The following CTNNA2 variants were observed in gnomAD, a reference collection of about 807,000 sequenced individuals.
CTNNA2 encodes the protein catenin alpha-2.
Under a neutral mutation model 101.0 loss-of-function variants are expected in CTNNA2, and 42 were observed. That is an observed-to-expected ratio of 0.42 (90% CI 0.32 to 0.54). CTNNA2 has a LOEUF of 0.54. CTNNA2 is among the 20% of genes least tolerant of loss of function. The pLI is 0.14. For synonymous variants in CTNNA2, 450 were observed against 456.4 expected (o/e 0.99, Z 0.18); for missense variants, 871 against 1,223.1 (o/e 0.71, Z 4.29).
chr2:80,381,634 G>C (rs1388644574), intron 7 of CTNNA2, among the ~76,000 whole-genome samples: 1 of 152,180 alleles, frequency 6.6e-6, no homozygotes, highest in Non-Finnish European at 1.5e-5. Context: ...TGGCACTAGA[G>C]TGGAGATACC....
intron 2 of CTNNA2, among the ~76,000 whole-genome samples, chr2:79,728,323 G>A (rs1004494531): frequency 6.6e-6 from 1 of 152,158 alleles, no homozygotes; most frequent in African/African-American, 2.4e-5. Context: ...TTTCTCTGAT[G>A]GCCAGTGATG....
chr2:80,393,396 CT>C (rs1350202708), intron 8 of CTNNA2, 105 bp downstream of exon 8: 2 of 796,752 alleles, frequency 2.5e-6, no homozygotes, highest in Admixed American at 2.6e-5. Context: ...GGTTGTTATT[CT>C]TTATAACATT....
chr2:79,286,618 G>A (rs1319608922), intron 2 of CTNNA2, among the ~76,000 whole-genome samples: 3 of 152,188 alleles, frequency 2.0e-5, no homozygotes, highest in African/African-American at 7.2e-5. Context: ...TCTGCCGAGA[G>A]ATCTGCTGTT....
At chr2:79,430,069 A>G (rs1678640151) in intron 4 of CTNNA2, among the ~76,000 whole-genome samples, 1 of 152,128 alleles carries the variant, frequency 6.6e-6, no homozygotes, top group Admixed American at 6.6e-5. Context: ...GCGGAGGAGG[A>G]CAAGTGGCAT....
Position 79,868,752 on chromosome 2 carries a change from C to T in CTNNA2, c.466-1064C>T, listed in dbSNP as rs1320698871. Among the ~76,000 whole-genome samples, 3 of 152,228 alleles carry T rather than the reference C, an allele frequency of 2.0e-5. No homozygotes were observed. The East Asian group carries it at 5.8e-4, about 29-fold the overall frequency. On this transcript the variant is annotated intron_variant, in intron 4 of 18. Coordinates refer to ENST00000402739, the MANE Select transcript of CTNNA2 (RefSeq NM_001282597.3). ...AAAGCTGCCTTCTCGCTCCATTCCT[C>T]TCTCAGGAAATGGAACTAGTCGGGG... is the stretch of plus-strand genomic sequence containing the variant.
At chr2:79,593,674 T>A (rs1677005072) in intron 1 of CTNNA2, among the ~76,000 whole-genome samples, 1 of 152,086 alleles carries the variant, frequency 6.6e-6, no homozygotes, top group Admixed American at 6.6e-5. Context: ...TGACTCAGCA[T>A]CTTTCTTGTG....
At position 79,937,461 on chromosome 2, in the gene CTNNA2, C is replaced by T. The variant is rs547041384; in HGVS notation, c.1056+27664C>T. On this transcript the variant is annotated intron_variant, in intron 7 of 18. Transcript: ENST00000402739. ...GCAATCTTCAGGCTATGTCTTCACT[C>T]ATGATTTCTTGACATATCTGCACAT... is the stretch of plus-strand genomic sequence containing the variant. 9.2e-5 allele frequency among the ~76,000 whole-genome samples: 14 copies of T among 152,312 alleles called. No individual in the cohort carries two copies. The East Asian group carries it at 2.5e-3, about 27-fold the overall frequency.
At chr2:79,873,737 A>AT (rs1682770950) in intron 5 of CTNNA2, among the ~76,000 whole-genome samples, 3 of 145,748 alleles carry the variant, frequency 2.1e-5, no homozygotes, top group African/African-American at 7.6e-5. Flanking sequence ...CACTTCCACA[A>AT]CTTTTTTTTT....
chr2:80,083,840 A>G (rs1699291834), intron 7 of CTNNA2, among the ~76,000 whole-genome samples: 1 of 152,146 alleles, frequency 6.6e-6, no homozygotes, highest in South Asian at 2.1e-4. Flanking sequence ...TATTCCTGTC[A>G]AGATCTTACA....
chr2:79,598,485 GTT>G, intron 1 of CTNNA2, among the ~76,000 whole-genome samples: 1 of 152,312 alleles, frequency 6.6e-6, no homozygotes, highest in Admixed American at 6.5e-5. Flanking sequence ...TGCTGTCAGT[GTT>G]TTGTGTTTTG....
chr2:79,310,562 T>G (rs915449636), intron 2 of CTNNA2, among the ~76,000 whole-genome samples: 1 of 152,242 alleles, frequency 6.6e-6, no homozygotes, highest in Non-Finnish European at 1.5e-5. Context: ...TTATTGGGTG[T>G]TGTTGTCCAT....
intron 4 of CTNNA2, among the ~76,000 whole-genome samples, chr2:79,866,035 A>C (rs376287618): frequency 1.3e-5 from 2 of 152,312 alleles, no homozygotes; most frequent in South Asian, 4.1e-4. Flanking sequence ...TTTATGTTGA[A>C]GTAAGTAAGT....
intron 9 of CTNNA2, among the ~76,000 whole-genome samples, chr2:80,422,462 A>G (rs748437716): frequency 1.4e-5 from 2 of 147,374 alleles, no homozygotes; most frequent in Non-Finnish European, 3.0e-5. Flanking sequence ...TCCTTGCATT[A>G]TAGTACTAGC....
intron 9 of CTNNA2, among the ~76,000 whole-genome samples, chr2:80,513,834 G>C (rs1688898720): frequency 6.6e-6 from 1 of 152,122 alleles, no homozygotes; most frequent in Non-Finnish European, 1.5e-5. Context: ...GATACCATAG[G>C]ATAGTACCAG....
At chr2:79,428,406 G>A (rs1284389695) in intron 4 of CTNNA2, among the ~76,000 whole-genome samples, 4 of 151,964 alleles carry the variant, frequency 2.6e-5, no homozygotes, top group Admixed American at 6.6e-5. Flanking sequence ...GAACAAAGAC[G>A]AGAATAAGCA....
At chr2:79,796,094 T>C (rs982352534) in intron 3 of CTNNA2, among the ~76,000 whole-genome samples, 5 of 152,174 alleles carry the variant, frequency 3.3e-5, no homozygotes, top group Admixed American at 2.0e-4. Context: ...ATCTGCTCTT[T>C]AATACATTTA....
intron 3 of CTNNA2, among the ~76,000 whole-genome samples, chr2:79,818,470 G>T (rs1007890577): frequency 4.0e-5 from 6 of 151,578 alleles, no homozygotes; most frequent in African/African-American, 1.5e-4. Flanking sequence ...CCGCCACCAT[G>T]CCCGGCTTAT....
At chr2:80,623,542 T>C (rs1671364667) in intron 18 of CTNNA2, among the ~76,000 whole-genome samples, 1 of 151,722 alleles carries the variant, frequency 6.6e-6, no homozygotes, top group Non-Finnish European at 1.5e-5. Flanking sequence ...AGATGTGAGG[T>C]TGGTGTTGGA....
intron 7 of CTNNA2, among the ~76,000 whole-genome samples, chr2:79,981,179 A>G (rs1691239330): frequency 6.6e-6 from 1 of 152,206 alleles, no homozygotes; most frequent in South Asian, 2.1e-4. Context: ...TAAATGATAC[A>G]AAACTAAGTA....
Sources: gnomAD v4.1 joint callset for allele counts (sites outside exome capture counted in the v4.1 genomes callset) on GRCh38, gnomAD v4.1.1 for gene constraint, MANE v1.5 for transcripts, NCBI Gene and HGNC (gene_info 2026-07-23, HGNC 2026-07-21) for gene names.